The following DACT2 variants were observed in gnomAD, a reference collection of about 807,000 sequenced individuals.
DACT2 encodes dishevelled binding antagonist of beta catenin 2, also known as dapper homolog 2.
A neutral mutation model predicts 22.2 loss-of-function variants in DACT2; 20 were observed. The observed-to-expected ratio is 0.90, with a 90% confidence interval of 0.63 to 1.31. The LOEUF (loss-of-function observed/expected upper bound fraction) is 1.31. Ranked by LOEUF, DACT2 falls within the 50% of genes most tolerant of loss-of-function variation. The pLI, the probability that DACT2 is intolerant of heterozygous loss-of-function variation, is 0.00. For synonymous variants in DACT2, 463 were observed against 479.8 expected (o/e 0.96, Z 0.46); for missense variants, 1,048 against 1,061.4 (o/e 0.99, Z 0.18).
In DACT2 at chr6:168,311,632, C is replaced by A. The variant is rs374798556; in HGVS notation, c.247-348G>T. Among the ~76,000 whole-genome samples, 136 of 96,142 alleles carry A rather than the reference C, an allele frequency of 1.4e-3. 1 individual carries two copies. Among genetic ancestry groups the A allele is most frequent in the African/African-American group, 4.8e-3 (121 of 24,994 alleles). 63.1% of individuals were successfully genotyped at this position (96,142 alleles called of 152,430 possible). A position where few individuals can be genotyped will look rare whatever the true frequency, so the allele number is the denominator to read the frequency against. On this transcript the variant is annotated intron_variant, in intron 1 of 3. Transcript: ENST00000366795. ...CTCACACAAACACACACACACCCAT[C>A]CACACACACACACTCACACACACAC...
rs1177617130 is a variant in DACT2 at position 168,294,577 on chromosome 6, G to GTGTGTATATATATA, written c.730+55_730+56insTATATATATACACA. 259 of 124,320 alleles carry GTGTGTATATATATA rather than the reference G, an allele frequency of 2.1e-3. 4 individuals carry two copies. The highest frequency in any genetic ancestry group is 5.7e-3 in the African/African-American group (101 of 17,572). 7.7% of individuals were successfully genotyped at this position (124,320 alleles called of 1,614,324 possible). A position where few individuals can be genotyped will look rare whatever the true frequency, so the allele number is the denominator to read the frequency against. On this transcript the variant is annotated intron_variant, in intron 4 of 5. Transcript: ENST00000366796. ...TGTGTGTGTATGTGTGTGTGTGTGT[G>GTGTGTATATATATA]TATATATATATATATATATATATAT...
At chr6:168,298,988 C>A (rs559253902) in intron 3 of DACT2, 2 of 152,082 alleles carry the variant, frequency 1.3e-5, no homozygotes, top group African/African-American at 2.4e-5. Context: ...CATATATACT[C>A]GTTAAAAATA....
chr6:168,313,070 G>A (rs145132448), intron 1 of DACT2, among the ~76,000 whole-genome samples: 3 of 152,024 alleles, frequency 2.0e-5, no homozygotes, highest in African/African-American at 4.8e-5. Context: ...TTTTTTAGAC[G>A]GAGTCTCGCT....
chr6:168,316,347 A>AACGACCTAAACAGACGGC (rs1779543823), intron 1 of DACT2, among the ~76,000 whole-genome samples: 1 of 55,516 alleles, frequency 1.8e-5, no homozygotes. Flanking sequence ...CAAACACACA[A>AACGACCTAAACAGACGGC]CAGCATCTCA....
At chr6:168,309,473 A>ACACCGGGTGCGGGGCCG (rs1212851980) in intron 3 of DACT2, among the ~76,000 whole-genome samples, 1 of 63,798 alleles carries the variant, frequency 1.6e-5, no homozygotes, top group Non-Finnish European at 3.0e-5. Flanking sequence ...GCGGGGCCCT[A>ACACCGGGTGCGGGGCCG]TTTGCGCCTG....
chr6:168,306,832 C>T, downstream of DACT2: 2 of 959,054 alleles, frequency 2.1e-6, no homozygotes, highest in Non-Finnish European at 2.5e-6. Context: ...CTGGCACGTG[C>T]CCTGTGATGG....
chr6:168,311,565 C>CACACACACAT lies in DACT2; in HGVS notation c.247-282_247-281insATGTGTGTGT, dbSNP rs1779407641. ...CCACACACACATACACACACTCACA[C>CACACACACAT]ACAAACACACACACCCATCCACACA... On this transcript the variant is annotated intron_variant, in intron 1 of 3. Coordinates refer to ENST00000366795, the MANE Select transcript of DACT2 (RefSeq NM_214462.5). 2.7e-5 allele frequency among the ~76,000 whole-genome samples: 3 copies of CACACACACAT among 111,586 alleles called. No homozygotes were observed. In the South Asian group the frequency reaches 8.5e-4, roughly 32 times the overall value. The allele number at this position is 111,586 out of a possible 152,430, so 73.2% of individuals were successfully genotyped here. A position where few individuals can be genotyped will look rare whatever the true frequency, so the allele number is the denominator to read the frequency against.
intron 3 of DACT2, among the ~76,000 whole-genome samples, chr6:168,301,835 G>A (rs1334008688): frequency 2.6e-5 from 4 of 152,222 alleles, no homozygotes; most frequent in Non-Finnish European, 4.4e-5. Context: ...CTTCAAAGCC[G>A]GCAGTGGCTG....
intron 1 of DACT2, 28 bp from the exon 2 acceptor site, chr6:168,311,312 C>T (rs534049970): frequency 1.3e-6 from 2 of 1,522,546 alleles, no homozygotes; most frequent in South Asian, 2.4e-5. Context: ...AGAAAGGGAA[C>T]TGTTGTACCT....
Position 168,294,131 on chromosome 6 carries a change from AC to A in DACT2, c.795+1del, listed in dbSNP as rs1246740374. 29 of 702,858 alleles carry A rather than the reference AC, an allele frequency of 4.1e-5. No individual in the cohort carries two copies. Among genetic ancestry groups the A allele is most frequent in the Admixed American group, 2.8e-4 (14 of 49,994 alleles). 43.5% of individuals were successfully genotyped at this position (702,858 alleles called of 1,614,324 possible). A position where few individuals can be genotyped will look rare whatever the true frequency, so the allele number is the denominator to read the frequency against. The stretch of plus-strand genomic sequence containing the variant: ...CACAGACAGTGAGCATGGAGCACTT[AC>A]CACTGAGCAGAAAGGGAGCTGACAG... On this transcript the variant is annotated splice_donor_variant, in intron 5 of 5. Transcript: ENST00000366796. LOFTEE classifies it high-confidence loss of function.
downstream of DACT2, among the ~76,000 whole-genome samples, chr6:168,305,132 G>A (rs1002351563): frequency 6.6e-6 from 1 of 152,176 alleles, no homozygotes; most frequent in Non-Finnish European, 1.5e-5. Context: ...AGAGACAAGG[G>A]AAGGAGAACG....
In DACT2 at chr6:168,294,567, GTGTGTGTGTGTATATA is replaced by G. The variant is rs1458793507; in HGVS notation, c.730+50_730+65del. On this transcript the variant is annotated intron_variant, in intron 4 of 5. Coordinates refer to the DACT2 transcript ENST00000366796. The stretch of plus-strand genomic sequence containing the variant: ...AAAATATGTGTGTGTGTGTATGTGT[GTGTGTGTGTGTATATA>G]TATATATATATATATATATACACAT... 77 of 480,828 alleles carry G rather than the reference GTGTGTGTGTGTATATA, an allele frequency of 1.6e-4. No homozygotes were observed. The African/African-American group carries it at 3.8e-3, about 24-fold the overall frequency. 29.8% of individuals were successfully genotyped at this position (480,828 alleles called of 1,614,324 possible).
At chr6:168,310,545 A>T in intron 2 of DACT2, 99 bp from the exon 3 acceptor site, 1 of 1,457,024 alleles carries the variant, frequency 6.9e-7, no homozygotes, top group Non-Finnish European at 9.1e-7. Context: ...GGCCCAGGGG[A>T]ACCCCTGAGC....
intron 3 of DACT2, chr6:168,294,776 C>A (rs1778981309): frequency 1.5e-6 from 1 of 653,798 alleles, no homozygotes; most frequent in Non-Finnish European, 2.3e-6. Context: ...TTCTGCGATT[C>A]TGCAGCTTCA....
chr6:168,302,792 T>G (rs746912306), downstream of DACT2, among the ~76,000 whole-genome samples: 1 of 152,144 alleles, frequency 6.6e-6, no homozygotes, highest in African/African-American at 2.4e-5. Flanking sequence ...ACACACCCTG[T>G]GTATGGCTTT....
chr6:168,306,816 C>T (rs929310741), downstream of DACT2: 1 of 924,166 alleles, frequency 1.1e-6, no homozygotes, highest in Non-Finnish European at 1.3e-6. Context: ...CCTTCCCCGC[C>T]CAAAGCTGGC....
Position 168,307,004 on chromosome 6 carries a change from A to C in DACT2, c.*428T>G. ...TAACGTGGAGTTTAAACTCAAATTC[A>C]ATTTCCAGCTCAGAGTCCTGCAACC... On this transcript the variant is annotated 3_prime_UTR_variant, in exon 4 of 4. Transcript: ENST00000366795. This position sits in a 1 kb window ranked among gnomAD's most constrained non-coding sequence, Gnocchi z 5.3. 1 of 1,000,728 alleles carries C rather than the reference A, an allele frequency of 1.0e-6. No individual in the cohort carries two copies. The highest frequency in any genetic ancestry group is 1.2e-6 in the Non-Finnish European group (1 of 839,316). The allele number at this position is 1,000,728 out of a possible 1,614,324, so 62.0% of individuals were successfully genotyped here.
Position 168,308,948 on chromosome 6 carries a change from C to T in DACT2, c.809G>A (p.Arg270Lys), listed in dbSNP as rs1779314205. 1 of 1,549,834 alleles carries T rather than the reference C, an allele frequency of 6.5e-7. No individual in the cohort carries two copies. Among genetic ancestry groups the T allele is most frequent in the Admixed American group, 2.0e-5 (1 of 51,006 alleles). Residue 270 changes from arginine to lysine, a missense_variant, in exon 4 of 4, where the codon AGG becomes AAG. By Grantham distance (26) the Arg-to-Lys change is conservative. Coordinates refer to ENST00000366795, the MANE Select transcript of DACT2 (RefSeq NM_214462.5). ...YRQDLVSQGG[R>K]EVYPYPSPLH... ...GGGGCTGGGGTACGGGTACACCTCC[C>T]TGCCGCCCTGGGACACCAGGTCCTG...
At chr6:168,294,288 G>A in intron 4 of DACT2, 1 of 701,196 alleles carries the variant, frequency 1.4e-6, no homozygotes, top group South Asian at 1.5e-5. Flanking sequence ...GTTTCACTGG[G>A]GCTAGGTGTG....
Sources: allele counts gnomAD v4.1 joint callset (sites outside exome capture counted in the v4.1 genomes callset), GRCh38; gene constraint gnomAD v4.1.1; non-coding constraint Gnocchi (gnomAD v3.1); transcripts MANE v1.5; gene names NCBI Gene and HGNC (gene_info 2026-07-23, HGNC 2026-07-21).